ETV6: variants seen among roughly 807,000 people sequenced by gnomAD.
ETV6 encodes transcription factor ETV6.
Under a neutral mutation model 51.1 loss-of-function variants are expected in ETV6, and 16 were observed. The observed-to-expected ratio is 0.31, with a 90% confidence interval of 0.21 to 0.48. ETV6 has a LOEUF of 0.48. Ranked by LOEUF, ETV6 falls within the 20% of genes least tolerant of loss-of-function variation. ETV6 has a pLI of 0.99. For missense variants in ETV6, 458 were observed against 594.8 expected (o/e 0.77, Z 2.39); for synonymous variants, 240 against 224.1 (o/e 1.07, Z -0.64).
chr12:11,793,497 C>T (rs1171345620), intron 2 of ETV6, among the ~76,000 whole-genome samples: 1 of 152,188 alleles, frequency 6.6e-6, no homozygotes, highest in Non-Finnish European at 1.5e-5. Flanking sequence ...CCATCTCATT[C>T]AAAACCAATG....
At chr12:11,739,040 A>G (rs1865761612) in intron 1 of ETV6, among the ~76,000 whole-genome samples, 1 of 152,130 alleles carries the variant, frequency 6.6e-6, no homozygotes, top group Admixed American at 6.5e-5. Context: ...CTTGTTTTTC[A>G]GCTTCTAGGG....
At chr12:11,652,324 A>G (rs1428225965) in intron 1 of ETV6, among the ~76,000 whole-genome samples, 2 of 152,180 alleles carry the variant, frequency 1.3e-5, no homozygotes, top group African/African-American at 4.8e-5. Flanking sequence ...AGCACTAGAG[A>G]TCAAGGACTG....
At chr12:11,741,910 A>G (rs1268174406) in intron 1 of ETV6, among the ~76,000 whole-genome samples, 1 of 152,252 alleles carries the variant, frequency 6.6e-6, no homozygotes, top group Non-Finnish European at 1.5e-5. Context: ...AACAGCGTTC[A>G]TGCCTGGCTC....
intron 2 of ETV6, among the ~76,000 whole-genome samples, chr12:11,784,882 T>TTTTTTTTTTTTC (rs1945463206): frequency 6.7e-6 from 1 of 148,900 alleles, no homozygotes; most frequent in African/African-American, 2.5e-5. Flanking sequence ...TTTTTTTTTT[T>TTTTTTTTTTTTC]TTTTGGTAGA....
chr12:11,714,853 A>G (rs1178566275), intron 1 of ETV6, among the ~76,000 whole-genome samples: 4 of 152,110 alleles, frequency 2.6e-5, no homozygotes. Flanking sequence ...TGCTTTGGCA[A>G]TCACAAAGAC....
chr12:11,748,821 G>A (rs1865955087), intron 1 of ETV6, among the ~76,000 whole-genome samples: 1 of 152,088 alleles, frequency 6.6e-6, no homozygotes, highest in African/African-American at 2.4e-5. Context: ...AAATGGGAGA[G>A]GGAACGCAGC....
At position 11,883,276 on chromosome 12, in the gene ETV6, C is replaced by CTTCTTCTTTTTTTTTT. The variant is rs776231778; in HGVS notation, c.1010-1167_1010-1166insCTTCTTTTTTTTTTTT. On this transcript the variant is annotated intron_variant, in intron 5 of 7. Coordinates refer to ENST00000396373, the MANE Select transcript of ETV6 (RefSeq NM_001987.5). ...GGGAAGGTGTACATCATGTCTTCTT[C>CTTCTTCTTTTTTTTTT]TTTTTTTTTTTTTTTTTTTTTTTTT... Among the ~76,000 whole-genome samples the CTTCTTCTTTTTTTTTT allele has an allele frequency of 8.6e-4, 68 of 79,080 alleles. 3 individuals are homozygous for CTTCTTCTTTTTTTTTT. The highest frequency in any genetic ancestry group is 1.1e-3 in the Non-Finnish European group (50 of 46,088). 51.9% of individuals were successfully genotyped at this position (79,080 alleles called of 152,430 possible).
At chr12:11,840,863 C>T (rs1030569547) in intron 3 of ETV6, 3 of 187,606 alleles carry the variant, frequency 1.6e-5, no homozygotes, top group Non-Finnish European at 3.4e-5. Context: ...ATCAGACTAT[C>T]CTAAATAGTT....
At chr12:11,680,009 T>G (rs1251976781) in intron 1 of ETV6, among the ~76,000 whole-genome samples, 1 of 152,228 alleles carries the variant, frequency 6.6e-6, no homozygotes, top group African/African-American at 2.4e-5. Context: ...TGGATAAGAC[T>G]CTTACCATTC....
At chr12:11,657,000 G>A (rs1163204875) in intron 1 of ETV6, among the ~76,000 whole-genome samples, 1 of 151,682 alleles carries the variant, frequency 6.6e-6, no homozygotes, top group South Asian at 2.1e-4. Context: ...CTCCTGTCTC[G>A]ATGGCTTGAC....
chr12:11,885,776 C>T (rs1051438792), intron 6 of ETV6, 150 bp from the exon 7 acceptor site: 22 of 596,582 alleles, frequency 3.7e-5, no homozygotes, highest in Admixed American at 1.2e-4. Flanking sequence ...GCCTGGAAGG[C>T]AGCCGATTAG....
At chr12:11,876,330 T>C (rs772257041) in intron 5 of ETV6, among the ~76,000 whole-genome samples, 1 of 152,230 alleles carries the variant, frequency 6.6e-6, no homozygotes, top group East Asian at 1.9e-4. Flanking sequence ...TGCCAGGCAT[T>C]GTTCTAGATG....
At chr12:11,744,920 AAGAG>A (rs3049093) in intron 1 of ETV6, among the ~76,000 whole-genome samples, 4 of 151,130 alleles carry the variant, frequency 2.6e-5, no homozygotes, top group South Asian at 4.2e-4. Flanking sequence ...AAAAAAAAAA[AAGAG>A]AGAATTTCAT....
At chr12:11,785,387 C>T (rs1170625934) in intron 2 of ETV6, among the ~76,000 whole-genome samples, 1 of 152,090 alleles carries the variant, frequency 6.6e-6, no homozygotes, top group Non-Finnish European at 1.5e-5. Flanking sequence ...ACATTTTTTC[C>T]TCTATAACAT....
At chr12:11,653,096 A>G (rs373733308) in intron 1 of ETV6, among the ~76,000 whole-genome samples, 1 of 152,002 alleles carries the variant, frequency 6.6e-6, no homozygotes, top group Admixed American at 6.5e-5. Context: ...GTTGTCATGG[A>G]AGTTCAAATG....
chr12:11,858,836 GAA>G (rs66946835), intron 4 of ETV6, among the ~76,000 whole-genome samples: 56,901 of 151,792 alleles, frequency 0.37, 12,985 homozygotes, highest in South Asian at 0.58. Flanking sequence ...GTGATGAGGA[GAA>G]CTTTCAAGCA....
At chr12:11,824,597 G>A (rs1049494080) in intron 2 of ETV6, among the ~76,000 whole-genome samples, 1 of 152,138 alleles carries the variant, frequency 6.6e-6, no homozygotes, top group Admixed American at 6.5e-5. Flanking sequence ...TGGCCAACAT[G>A]GTGAAACCCC....
chr12:11,799,912 T>C (rs569619649), intron 2 of ETV6, among the ~76,000 whole-genome samples: 2 of 152,308 alleles, frequency 1.3e-5, no homozygotes, highest in South Asian at 4.1e-4. Flanking sequence ...CAGACAGGCA[T>C]ACCACCATGC....
chr12:11,712,419 G>A (rs1045541225), intron 1 of ETV6, among the ~76,000 whole-genome samples: 2 of 152,176 alleles, frequency 1.3e-5, no homozygotes, highest in South Asian at 2.1e-4. Flanking sequence ...CTTCTTAGAC[G>A]TGTGACTTTG....
Sources: allele counts gnomAD v4.1 joint callset (sites outside exome capture counted in the v4.1 genomes callset), GRCh38; gene constraint gnomAD v4.1.1; transcripts MANE v1.5; gene names NCBI Gene and HGNC (gene_info 2026-07-23, HGNC 2026-07-21).